Variants in SEMA6D observed in about 807,000 individuals in gnomAD.
The protein encoded by SEMA6D is semaphorin-6D.
In SEMA6D, 35 loss-of-function variants were observed where a neutral mutation model predicts 106.6. That is an observed-to-expected ratio of 0.33 (90% CI 0.25 to 0.44). The LOEUF is 0.44. Among genes scored for constraint, SEMA6D ranks in the 20% least tolerant of loss-of-function variants. The probability of loss-of-function intolerance (pLI) is 1.00; values close to 1 mark genes in which losing one functional copy is unlikely to be tolerated. For synonymous variants in SEMA6D, 499 were observed against 487.7 expected (o/e 1.02, Z -0.31); for missense variants, 1,185 against 1,345.9 (o/e 0.88, Z 1.87).
intron 1 of SEMA6D, among the ~76,000 whole-genome samples, chr15:47,216,417 G>C (rs1010682912): frequency 2.6e-5 from 4 of 152,074 alleles, no homozygotes; most frequent in African/African-American, 9.7e-5. Context: ...CTTCACAAAA[G>C]AAAATATAAC....
At chr15:47,206,273 T>C (rs282514) in intron 1 of SEMA6D, among the ~76,000 whole-genome samples, 148,615 of 152,230 alleles carry the variant, frequency 0.98, 72,653 homozygotes, top group Middle Eastern at 1. Flanking sequence ...TTTTTTGGCA[T>C]GCATATGGAA....
chr15:47,460,725 A>G (rs1403702693), intron 2 of SEMA6D, among the ~76,000 whole-genome samples: 2 of 152,152 alleles, frequency 1.3e-5, no homozygotes, highest in African/African-American at 2.4e-5. Flanking sequence ...TATTTAAACT[A>G]TAATAGAATC....
chr15:47,351,031 TG>T (rs2038304561), intron 1 of SEMA6D, among the ~76,000 whole-genome samples: 1 of 152,304 alleles, frequency 6.6e-6, no homozygotes, highest in Middle Eastern at 3.4e-3. Context: ...CAGTTCAGCC[TG>T]ACTCTTCATT....
chr15:47,738,263 T>C (rs1024962724), intron 1 of SEMA6D, among the ~76,000 whole-genome samples: 7 of 152,162 alleles, frequency 4.6e-5, no homozygotes, highest in African/African-American at 1.4e-4. Flanking sequence ...TGGTTTTCTG[T>C]TCCTGTGTTA....
intron 1 of SEMA6D, among the ~76,000 whole-genome samples, chr15:47,365,874 AAGAG>A (rs1357419679): frequency 3.6e-4 from 46 of 127,860 alleles, no homozygotes; most frequent in East Asian, 9.0e-4. Flanking sequence ...GAAAGAAAGA[AAGAG>A]AGAGAGAGAG....
intron 2 of SEMA6D, among the ~76,000 whole-genome samples, chr15:47,416,149 T>C (rs769800818): frequency 6.6e-6 from 1 of 152,152 alleles, no homozygotes; most frequent in Non-Finnish European, 1.5e-5. Context: ...AGATACTTAC[T>C]TGTGTGCACT....
chr15:47,196,423 A>G (rs933757576), intron 1 of SEMA6D, among the ~76,000 whole-genome samples: 2 of 152,166 alleles, frequency 1.3e-5, no homozygotes, highest in Non-Finnish European at 2.9e-5. Flanking sequence ...CCTGGAGGAC[A>G]TTTGTGTGCC....
intron 3 of SEMA6D, among the ~76,000 whole-genome samples, chr15:47,527,323 A>G (rs2044795146): frequency 6.6e-6 from 1 of 152,228 alleles, no homozygotes; most frequent in African/African-American, 2.4e-5. Flanking sequence ...TGTTTTAAAA[A>G]TGTATGAGTA....
At chr15:47,478,931 A>G (rs1181473867) in intron 3 of SEMA6D, among the ~76,000 whole-genome samples, 1 of 152,074 alleles carries the variant, frequency 6.6e-6, no homozygotes, top group African/African-American at 2.4e-5. Context: ...TACCCTTTAT[A>G]AAACCATTGG....
At chr15:47,346,590 A>G (rs927466913) in intron 1 of SEMA6D, among the ~76,000 whole-genome samples, 1 of 152,218 alleles carries the variant, frequency 6.6e-6, no homozygotes, top group African/African-American at 2.4e-5. Context: ...ACATAAAGCC[A>G]ATTCAAATTT....
At chr15:47,452,911 AAATG>A (rs1484497732) in intron 2 of SEMA6D, among the ~76,000 whole-genome samples, 2 of 151,984 alleles carry the variant, frequency 1.3e-5, no homozygotes, top group Admixed American at 6.6e-5. Flanking sequence ...TTTTATTTTT[AAATG>A]AATGTATTTA....
chr15:47,574,129 T>G (rs761276184), intron 3 of SEMA6D, among the ~76,000 whole-genome samples: 18 of 152,254 alleles, frequency 1.2e-4, no homozygotes, highest in Non-Finnish European at 2.2e-4. Context: ...ATGCTTATTG[T>G]GTACCTCTAG....
At chr15:47,460,741 A>G (rs2042482430) in intron 2 of SEMA6D, among the ~76,000 whole-genome samples, 1 of 152,122 alleles carries the variant, frequency 6.6e-6, no homozygotes, top group Admixed American at 6.6e-5. Flanking sequence ...GAATCATCAA[A>G]CTGGGTGAAC....
chr15:47,674,490 G>C (rs1015936834), intron 4 of SEMA6D, among the ~76,000 whole-genome samples: 1 of 152,174 alleles, frequency 6.6e-6, no homozygotes, highest in Non-Finnish European at 1.5e-5. Flanking sequence ...TGATTAAGAG[G>C]ATAACTTGAA....
At chr15:47,520,082 G>T (rs181960261) in intron 3 of SEMA6D, among the ~76,000 whole-genome samples, 1 of 152,098 alleles carries the variant, frequency 6.6e-6, no homozygotes. Context: ...AAAAATGATC[G>T]ACAGAATCCT....
chr15:47,225,615 C>T (rs1459067829), intron 1 of SEMA6D, among the ~76,000 whole-genome samples: 1 of 148,138 alleles, frequency 6.8e-6, no homozygotes, highest in Admixed American at 6.9e-5. Flanking sequence ...GCAACTTCCA[C>T]CTCCCAGGTT....
chr15:47,275,826 T>C (rs2034779198), intron 1 of SEMA6D, among the ~76,000 whole-genome samples: 1 of 152,076 alleles, frequency 6.6e-6, no homozygotes, highest in Non-Finnish European at 1.5e-5. Flanking sequence ...AGTAAGTAAG[T>C]CCTATCAGAA....
At chr15:47,301,618 T>TAGC in intron 1 of SEMA6D, among the ~76,000 whole-genome samples, 1 of 152,356 alleles carries the variant, frequency 6.6e-6, no homozygotes, top group South Asian at 2.1e-4. Context: ...TTGCTGCCTT[T>TAGC]AGCAGGAAGC....
At chr15:47,389,692 A>G (rs925109261) in intron 1 of SEMA6D, among the ~76,000 whole-genome samples, 2 of 152,224 alleles carry the variant, frequency 1.3e-5, no homozygotes, top group East Asian at 3.8e-4. Flanking sequence ...AAATAGCAAC[A>G]TAGAAAACCC....
Sources: allele counts gnomAD v4.1 joint callset (sites outside exome capture counted in the v4.1 genomes callset), GRCh38; gene constraint gnomAD v4.1.1; transcripts MANE v1.5; gene names NCBI Gene and HGNC (gene_info 2026-07-23, HGNC 2026-07-21).